Variants in CYP4V2 observed in about 807,000 individuals in gnomAD.
CYP4V2 encodes the protein cytochrome P450 4V2.
A neutral mutation model predicts 60.8 loss-of-function variants in CYP4V2; 55 were observed. The ratio of observed to expected loss-of-function variants is 0.90; its 90% confidence interval spans 0.73 to 1.13. The LOEUF (loss-of-function observed/expected upper bound fraction) is 1.13, where lower values mean the gene tolerates loss of function less well. CYP4V2 is among the 50% of genes most tolerant of loss of function. The probability of loss-of-function intolerance (pLI) is 0.00; values close to 1 mark genes in which losing one functional copy is unlikely to be tolerated. For missense variants in CYP4V2, 675 were observed against 662.9 expected, an observed-to-expected ratio of 1.02 and a Z score of -0.20; for synonymous variants, 239 against 236.8, an observed-to-expected ratio of 1.01 and a Z score of -0.08.
At position 186,197,542 on chromosome 4, in the gene CYP4V2, T is replaced by C. The variant is rs1335050616; in HGVS notation, c.614T>C (p.Met205Thr). 1 of 1,614,218 alleles carries C rather than the reference T, an allele frequency of 6.2e-7. No homozygotes were observed. The highest frequency in any genetic ancestry group is 8.5e-7 in the Non-Finnish European group (1 of 1,180,034). The change falls in exon 5 of 11, where the codon ATG (methionine) becomes ACG (threonine). Residue 205 changes from methionine to threonine, a missense_variant. Physicochemically the swap from Met to Thr is moderately conservative, Grantham distance 81 (BLOSUM62 -1). Coordinates refer to ENST00000378802, the MANE Select transcript of CYP4V2 (RefSeq NM_207352.4). Reference protein sequence around the residue: ...CALDIICETAMGKNIGAQSND... With the variant: ...CALDIICETATGKNIGAQSND... ...CACCCATATTTTATAGAAACAGCTATGGGGAAGAATATTGGTGCTCAAAGT... is the reference window on the plus strand; with the variant it reads ...CACCCATATTTTATAGAAACAGCTACGGGGAAGAATATTGGTGCTCAAAGT...
In CYP4V2 at chr4:186,194,597, T is replaced by A. The variant is rs755855410; in HGVS notation, c.312T>A (p.Asn104Lys). The A allele has an allele frequency of 2.5e-6, 4 of 1,614,062 alleles. No individual in the cohort carries two copies. In the Admixed American group the frequency reaches 6.7e-5, roughly 27 times the overall value. ...CAGTGCCCATGGTGGCCCTTTATAATGCAGAAAATGTGGAGGTGGGTACAT... is the reference window on the plus strand; with the variant it reads ...CAGTGCCCATGGTGGCCCTTTATAAAGCAGAAAATGTGGAGGTGGGTACAT... ...VGPVPMVALY[N>K]AENVEVILTS... Residue 104 changes from asparagine to lysine, a missense_variant, in exon 2 of 11, where the codon AAT becomes AAA. Asn to Lys is a moderately conservative substitution (Grantham distance 94, BLOSUM62 0). Transcript: ENST00000378802.
chr4:186,196,566 G>A (rs1736151738), intron 3 of CYP4V2: 1 of 306,750 alleles, frequency 3.3e-6, no homozygotes, highest in African/African-American at 2.2e-5. Flanking sequence ...AGAGATCAAG[G>A]TAGAACCATG....
intron 1 of CYP4V2, among the ~76,000 whole-genome samples, chr4:186,192,797 C>T (rs1431777200): frequency 6.6e-6 from 1 of 152,158 alleles, no homozygotes; most frequent in African/African-American, 2.4e-5. Context: ...TCAGGGATTA[C>T]GTTGAGGTAC....
intron 10 of CYP4V2, among the ~76,000 whole-genome samples, chr4:186,210,170 T>C (rs1736660293): frequency 6.6e-6 from 1 of 152,120 alleles, no homozygotes; most frequent in Admixed American, 6.5e-5. Flanking sequence ...CCATAGTAAA[T>C]GAAAGACCCA....
rs1264235942 is a variant in CYP4V2 at position 186,210,608 on chromosome 4, C to T, written c.1545C>T (p.Ile515=). 9 of 1,614,072 alleles carry T rather than the reference C, an allele frequency of 5.6e-6. No homozygotes were observed. The highest frequency in any genetic ancestry group is 7.6e-6 in the Non-Finnish European group (9 of 1,180,020). ...LILRPSNGIW[I]KLKRRNADER ...TTCGTCCAAGTAATGGCATCTGGAT[C>T]AAGTTGAAGAGGAGAAATGCAGATG... The change falls in exon 11 of 11, where the codon ATC becomes ATT. Residue 515 remains isoleucine, a synonymous_variant. Coordinates refer to ENST00000378802, the MANE Select transcript of CYP4V2 (RefSeq NM_207352.4).
intron 7 of CYP4V2, 185 bp from the exon 8 acceptor site, chr4:186,205,015 C>T (rs1736454637): frequency 3.0e-6 from 2 of 664,224 alleles, no homozygotes; most frequent in Non-Finnish European, 5.4e-6. Context: ...TAGGCATGAA[C>T]CTCCGCTTTG....
chr4:186,194,435 T>C (rs919817600), intron 1 of CYP4V2, 65 bp from the exon 2 acceptor site: 78 of 1,381,320 alleles, frequency 5.6e-5, no homozygotes, highest in Non-Finnish European at 7.9e-5. Flanking sequence ...AAAACAAACC[T>C]TTGTCCAATA....
intron 1 of CYP4V2, among the ~76,000 whole-genome samples, chr4:186,193,124 A>G (rs1039024903): frequency 1.5e-5 from 2 of 136,932 alleles, no homozygotes; most frequent in African/African-American, 2.5e-5. Flanking sequence ...CAACACAGAT[A>G]TGAAAATCAC....
chr4:186,208,617 G>A (rs9685463), intron 8 of CYP4V2, among the ~76,000 whole-genome samples: 65,308 of 143,010 alleles, frequency 0.46, 14,585 homozygotes, highest in South Asian at 0.57. Context: ...CCCTGCCTTG[G>A]TCCACGTGTT....
chr4:186,198,668 G>T (rs1450935668), intron 5 of CYP4V2, among the ~76,000 whole-genome samples: 1 of 152,126 alleles, frequency 6.6e-6, no homozygotes, highest in Admixed American at 6.5e-5. Context: ...TAGGCAGAGT[G>T]GGAAACTTGC....
intron 3 of CYP4V2, chr4:186,196,289 T>C (rs1190764631): frequency 6.5e-6 from 4 of 617,434 alleles, no homozygotes; most frequent in African/African-American, 1.8e-5. Flanking sequence ...TGAACAGTTA[T>C]CTTCAGCTGT....
intron 10 of CYP4V2, among the ~76,000 whole-genome samples, chr4:186,210,107 C>T (rs779180328): frequency 7.9e-5 from 12 of 152,116 alleles, no homozygotes; most frequent in African/African-American, 1.2e-4. Context: ...ATGCAGACAT[C>T]GGTAAAATGA....
chr4:186,196,175 CT>C, intron 3 of CYP4V2, 87 bp downstream of exon 3: 1 of 1,167,912 alleles, frequency 8.6e-7, no homozygotes. Flanking sequence ...CACAGGGTAG[CT>C]TTTTCTGTAG....
At chr4:186,205,424 C>T in intron 8 of CYP4V2, 122 bp downstream of exon 8, 2 of 1,002,290 alleles carry the variant, frequency 2.0e-6, no homozygotes, top group Non-Finnish European at 3.2e-6. Flanking sequence ...CCAGTACCAT[C>T]CCCTTTGCAA....
rs1218607702 is a variant in CYP4V2, at chr4:186,210,897, T to C, written c.*256T>C. On this transcript the variant is annotated 3_prime_UTR_variant, in exon 11 of 11. Coordinates refer to ENST00000378802, the MANE Select transcript of CYP4V2 (RefSeq NM_207352.4). Reference sequence around the variant, plus strand: ...CGCCCAGGCTGGAGGAGTGCAGTGGTGTGATCTCAGCTCACTGCAACCTCC... The same window carrying C: ...CGCCCAGGCTGGAGGAGTGCAGTGGCGTGATCTCAGCTCACTGCAACCTCC... 4 of 396,472 alleles carry C rather than the reference T, an allele frequency of 1.0e-5. No individual in the cohort carries two copies. Among genetic ancestry groups the C allele is most frequent in the African/African-American group, 2.1e-5 (1 of 47,892 alleles). 24.6% of individuals were successfully genotyped at this position (396,472 alleles called of 1,614,324 possible).
rs952799248 is a variant in CYP4V2 at position 186,201,149 on chromosome 4, T to G, written c.802-8T>G. 6.2e-7 allele frequency: 1 copy of G among 1,613,782 alleles called. No individual in the cohort carries two copies. Among genetic ancestry groups the G allele is most frequent in the East Asian group, 2.2e-5 (1 of 44,590 alleles). The stretch of plus-strand genomic sequence containing the variant: ...CAGAAGCATGTGATTATCATTCAAA[T>G]CATACAGGTCATCGCTGAACGGGCC... On this transcript the variant is annotated splice_polypyrimidine_tract_variant and splice_region_variant and intron_variant, in intron 6 of 10. Coordinates refer to ENST00000378802, the MANE Select transcript of CYP4V2 (RefSeq NM_207352.4).
At chr4:186,202,277 A>C (rs1212390040) in intron 7 of CYP4V2, 1 of 152,234 alleles carries the variant, frequency 6.6e-6, no homozygotes, top group Non-Finnish European at 1.5e-5. Context: ...ACTGAAAATA[A>C]ATCTTAAGCA....
chr4:186,197,224 C>A, intron 4 of CYP4V2, 94 bp downstream of exon 4: 1 of 1,444,492 alleles, frequency 6.9e-7, no homozygotes, highest in Non-Finnish European at 9.6e-7. Context: ...AATGGGGGGA[C>A]GGGAAAGGGT....
chr4:186,205,422 A>G (rs1027383944), intron 8 of CYP4V2, 120 bp downstream of exon 8: 1 of 1,013,264 alleles, frequency 9.9e-7, no homozygotes, highest in East Asian at 2.5e-5. Flanking sequence ...TTCCAGTACC[A>G]TCCCCTTTGC....
Sources: gnomAD v4.1 joint callset for allele counts (sites outside exome capture counted in the v4.1 genomes callset) on GRCh38, gnomAD v4.1.1 for gene constraint, MANE v1.5 for transcripts, NCBI Gene and HGNC (gene_info 2026-07-23, HGNC 2026-07-21) for gene names.